The following LYSMD2 variants were observed in gnomAD, a reference collection of about 807,000 sequenced individuals.
LYSMD2 encodes LysM domain containing 2.
A neutral mutation model predicts 17.7 loss-of-function variants in LYSMD2; 6 were observed. The ratio of observed to expected loss-of-function variants is 0.34; its 90% CI spans 0.19 to 0.67. The LOEUF is 0.67. Ranked by LOEUF, LYSMD2 falls within the 30% of genes least tolerant of loss-of-function variation. The pLI is 0.69. For missense variants in LYSMD2, 237 were observed against 286.7 expected, an observed-to-expected ratio of 0.83 and a Z score of 1.25; for synonymous variants, 102 against 129.8, an observed-to-expected ratio of 0.79 and a Z score of 1.45.
chr15:51,736,372 C>T (rs1052903174), intron 1 of LYSMD2, among the ~76,000 whole-genome samples: 5 of 152,216 alleles, frequency 3.3e-5, no homozygotes, highest in Non-Finnish European at 7.3e-5. Flanking sequence ...TACATGACTG[C>T]ACAGCAAGGT....
intron 1 of LYSMD2, among the ~76,000 whole-genome samples, chr15:51,733,916 G>A (rs544546041): frequency 6.6e-6 from 1 of 152,304 alleles, no homozygotes; most frequent in South Asian, 2.1e-4. Context: ...CAGATGCGGT[G>A]GCTCACGCTT....
At chr15:51,747,017 T>TAAAAAAAAA (rs1050919768) in intron 1 of LYSMD2, among the ~76,000 whole-genome samples, 10 of 65,788 alleles carry the variant, frequency 1.5e-4, no homozygotes, top group Admixed American at 3.9e-4. Flanking sequence ...CTGTCTCTAC[T>TAAAAAAAAA]AAAAAAAAAA....
intron 1 of LYSMD2, among the ~76,000 whole-genome samples, chr15:51,749,953 GA>G: frequency 6.6e-6 from 1 of 152,352 alleles, no homozygotes; most frequent in African/African-American, 2.4e-5. Flanking sequence ...ATTGATCATA[GA>G]AACAACACTG....
intron 1 of LYSMD2, among the ~76,000 whole-genome samples, chr15:51,727,401 G>A (rs1567227293): frequency 6.6e-6 from 1 of 152,214 alleles, no homozygotes; most frequent in African/African-American, 2.4e-5. Context: ...TCTTGCCAGT[G>A]TTCCCTTGGC....
chr15:51,744,727 T>C (rs1334245285), intron 1 of LYSMD2, among the ~76,000 whole-genome samples: 1 of 152,138 alleles, frequency 6.6e-6, no homozygotes, highest in Non-Finnish European at 1.5e-5. Context: ...TTAGTATCAT[T>C]CTTCCTTAAA....
chr15:51,724,708 G>C, intron 2 of LYSMD2, 82 bp downstream of exon 2: 1 of 837,202 alleles, frequency 1.2e-6, no homozygotes, highest in Non-Finnish European at 1.7e-6. Context: ...GCAAAGAAAA[G>C]AGAAAAGAAA....
chr15:51,750,517 T>A (rs973822239), intron 1 of LYSMD2, among the ~76,000 whole-genome samples: 1 of 152,238 alleles, frequency 6.6e-6, no homozygotes, highest in Admixed American at 6.5e-5. Flanking sequence ...CCCACCATCA[T>A]GTGAAACACT....
chr15:51,727,466 A>G (rs191972253), intron 1 of LYSMD2, among the ~76,000 whole-genome samples: 195 of 152,282 alleles, frequency 1.3e-3, no homozygotes, highest in African/African-American at 4.5e-3. Flanking sequence ...GGGTGCTTCA[A>G]CTTCCCTTGT....
chr15:51,734,075 C>T (rs78093339), intron 1 of LYSMD2, among the ~76,000 whole-genome samples: 2,006 of 152,076 alleles, frequency 0.013, 48 homozygotes, highest in African/African-American at 0.046. Flanking sequence ...CCCAGCTACT[C>T]GAGAGGCTGA....
intron 2 of LYSMD2, among the ~76,000 whole-genome samples, chr15:51,724,204 G>T (rs548751705): frequency 5.9e-5 from 9 of 151,954 alleles, no homozygotes; most frequent in Non-Finnish European, 1.2e-4. Context: ...AAGAAAAAAG[G>T]AAACCAATTC....
intron 1 of LYSMD2, among the ~76,000 whole-genome samples, chr15:51,736,713 A>AC (rs940460560): frequency 1.7e-4 from 26 of 151,548 alleles, no homozygotes; most frequent in African/African-American, 6.3e-4. Context: ...TACACCCAAG[A>AC]CACACACACT....
upstream of LYSMD2, among the ~76,000 whole-genome samples, chr15:51,739,076 T>A (rs1355032484): frequency 6.6e-6 from 1 of 152,240 alleles, no homozygotes; most frequent in Non-Finnish European, 1.5e-5. Context: ...CTGTCTCAAA[T>A]GATACATCCT....
Position 51,737,370 on chromosome 15 carries a change from C to T in LYSMD2, c.253G>A (p.Ala85Thr). 1 of 1,451,922 alleles carries T rather than the reference C, an allele frequency of 6.9e-7. No homozygotes were observed. The highest frequency in any genetic ancestry group is 9.0e-7 in the Non-Finnish European group (1 of 1,107,148). The allele number at this position is 1,451,922 out of a possible 1,614,324, so 89.9% of individuals were successfully genotyped here. A position where few individuals can be genotyped will look rare whatever the true frequency, so the allele number is the denominator to read the frequency against. The change falls in exon 1 of 3, where the codon GCG (alanine) becomes ACG (threonine). Residue 85 changes from alanine (A) to threonine (T), a missense_variant. By Grantham distance (58) the Ala-to-Thr change is moderately conservative. Transcript: ENST00000267838. This position sits in a 1 kb window ranked among gnomAD's most constrained non-coding sequence, Gnocchi z 4.2. Reference sequence around the variant, plus strand: ...CTCACCGTGACACCGTACTTGAGCGCGATGCCCTGCAGCGTGTCGCCCGCG... The same window carrying T: ...CTCACCGTGACACCGTACTTGAGCGTGATGCCCTGCAGCGTGTCGCCCGCG... The part of the protein sequence containing the change: ...VRAGDTLQGI[A>T]LKYGVTMEQI...
chr15:51,724,211 A>C (rs187105673), intron 2 of LYSMD2, among the ~76,000 whole-genome samples: 3 of 152,266 alleles, frequency 2.0e-5, no homozygotes, highest in Admixed American at 6.5e-5. Flanking sequence ...AAGGAAACCA[A>C]TTCTATAGGA....
chr15:51,733,662 G>C (rs1175046104), intron 1 of LYSMD2, among the ~76,000 whole-genome samples: 3 of 152,128 alleles, frequency 2.0e-5, no homozygotes, highest in Admixed American at 6.5e-5. Context: ...ATATGAAAAT[G>C]TGAGGCCCTT....
chr15:51,735,796 G>A (rs1408854739), intron 1 of LYSMD2, among the ~76,000 whole-genome samples: 1 of 152,226 alleles, frequency 6.6e-6, no homozygotes, highest in Non-Finnish European at 1.5e-5. Flanking sequence ...ACAGACGGCT[G>A]TGGGTCACAG....
At chr15:51,751,183 C>T in intron 1 of LYSMD2, 3 of 686,760 alleles carry the variant, frequency 4.4e-6, no homozygotes. Context: ...TCGCTTACCT[C>T]CTTCCCTCCC....
intron 1 of LYSMD2, among the ~76,000 whole-genome samples, chr15:51,750,032 A>G (rs555698509): frequency 4.6e-5 from 7 of 152,226 alleles, no homozygotes; most frequent in Non-Finnish European, 8.8e-5. Flanking sequence ...TAGAGGATTA[A>G]CTTTACTTTC....
Position 51,737,223 on chromosome 15 carries a change from G to C in LYSMD2, c.273+127C>G, listed in dbSNP as rs1021538821. The C allele has an allele frequency of 5.7e-6, 4 of 696,202 alleles. No homozygotes were observed. In the East Asian group the frequency reaches 1.4e-4, roughly 24 times the overall value. The allele number at this position is 696,202 out of a possible 1,614,324, so 43.1% of individuals were successfully genotyped here. A position where few individuals can be genotyped will look rare whatever the true frequency, so the allele number is the denominator to read the frequency against. ...CCGAGCCGCCCGGGGACGCACGGCC[G>C]TCCCTGCGACTCCCCATCCCCCAAA... On this transcript the variant is annotated intron_variant, in intron 1 of 2. Transcript: ENST00000267838. The surrounding 1 kb of genome is among the most constrained non-coding windows in gnomAD (Gnocchi z 4.2).
Sources: gnomAD v4.1 joint callset for allele counts (sites outside exome capture counted in the v4.1 genomes callset) on GRCh38, gnomAD v4.1.1 for gene constraint, Gnocchi (gnomAD v3.1) non-coding constraint, MANE v1.5 for transcripts, NCBI Gene and HGNC (gene_info 2026-07-23, HGNC 2026-07-21) for gene names.